The following KIAA1549L variants were observed in gnomAD, a reference collection of about 807,000 sequenced individuals.
The protein encoded by KIAA1549L is KIAA1549 like, also known as UPF0606 protein KIAA1549L.
Under a neutral mutation model 160.7 loss-of-function variants are expected in KIAA1549L, and 88 were observed. The ratio of observed to expected loss-of-function variants is 0.55; its 90% CI spans 0.46 to 0.65. KIAA1549L has a LOEUF of 0.65. Ranked by LOEUF, KIAA1549L falls within the 30% of genes least tolerant of loss-of-function variation. The probability of loss-of-function intolerance (pLI) is 0.00; values close to 1 mark genes in which losing one functional copy is unlikely to be tolerated. For missense variants in KIAA1549L, 2,258 were observed against 2,437.5 expected, an observed-to-expected ratio of 0.93 and a Z score of 1.55; for synonymous variants, 950 against 976.7, an observed-to-expected ratio of 0.97 and a Z score of 0.51.
intron 1 of KIAA1549L, among the ~76,000 whole-genome samples, chr11:33,449,803 C>T (rs1051787995): frequency 2.6e-5 from 4 of 152,040 alleles, no homozygotes; most frequent in Non-Finnish European, 5.9e-5. Flanking sequence ...GTCCTAGATC[C>T]GGAAGAAAAA....
chr11:33,613,831 T>TAA (rs1172482421), intron 15 of KIAA1549L, among the ~76,000 whole-genome samples: 9 of 152,240 alleles, frequency 5.9e-5, no homozygotes, highest in Non-Finnish European at 1.2e-4. Context: ...CTAAATCTTT[T>TAA]AAAATCATTT....
chr11:33,656,084 C>T lies in KIAA1549L; in HGVS notation c.5833C>T (p.Pro1945Ser), dbSNP rs1362736088. The T allele has an allele frequency of 1.2e-6, 2 of 1,613,662 alleles. No homozygotes were observed. Among genetic ancestry groups the T allele is most frequent in the Admixed American group, 1.7e-5 (1 of 60,020 alleles). The change falls in exon 18 of 21, where the codon CCT (proline) becomes TCT (serine). Residue 1945 changes from proline (P) to serine (S), a missense_variant. Around this residue, in one of 6 missense-constraint regions of KIAA1549L, gnomAD observed 1,359 missense variants for 1,546.6 expected, o/e 0.88. Coordinates refer to ENST00000658780, the MANE Select transcript of KIAA1549L (RefSeq NM_012194.3). ...PPPPVPPRTG[P>S]VAVASLRRST... ...TCCACCCGTACCTCCCCGGACTGGT[C>T]CTGTGGCTGTCGCTTCTCTCAGGCG...
chr11:33,641,178 C>A (rs1851569875), intron 16 of KIAA1549L, among the ~76,000 whole-genome samples: 1 of 152,202 alleles, frequency 6.6e-6, no homozygotes, highest in South Asian at 2.1e-4. Flanking sequence ...AGAGCTGGCA[C>A]ACCACAGGTC....
chr11:33,412,464 C>G (rs1044665699), intron 1 of KIAA1549L, among the ~76,000 whole-genome samples: 1 of 152,196 alleles, frequency 6.6e-6, no homozygotes, highest in Non-Finnish European at 1.5e-5. Context: ...TACAGACTTG[C>G]TATAAATAAG....
chr11:33,639,599 G>A (rs2133391567), intron 16 of KIAA1549L, among the ~76,000 whole-genome samples: 1 of 152,284 alleles, frequency 6.6e-6, no homozygotes, highest in South Asian at 2.1e-4. Flanking sequence ...GAGTGCAGTG[G>A]TGTGATCTTG....
chr11:33,435,810 A>ATG lies in KIAA1549L; in HGVS notation c.238+58929_238+58930dup, dbSNP rs371276872. On this transcript the variant is annotated intron_variant, in intron 1 of 20. Coordinates refer to ENST00000658780, the MANE Select transcript of KIAA1549L (RefSeq NM_012194.3). ...TATATATATATATATATATATATAT[A>ATG]TGTGTGTGTATATATATATATGTAT... Among the ~76,000 whole-genome samples the ATG allele has an allele frequency of 2.5e-3, 67 of 27,186 alleles. 1 individual carries two copies. The highest frequency in any genetic ancestry group is 3.8e-3 in the Non-Finnish European group (59 of 15,328). The allele number at this position is 27,186 out of a possible 152,430, so 17.8% of individuals were successfully genotyped here. A position where few individuals can be genotyped will look rare whatever the true frequency, so the allele number is the denominator to read the frequency against.
chr11:33,557,809 C>A (rs1426385783), intron 6 of KIAA1549L, among the ~76,000 whole-genome samples: 1 of 152,004 alleles, frequency 6.6e-6, no homozygotes, highest in Non-Finnish European at 1.5e-5. Context: ...ATCGCTTAAG[C>A]CTAGGAGTTC....
intron 1 of KIAA1549L, among the ~76,000 whole-genome samples, chr11:33,419,286 T>G (rs1850950055): frequency 6.6e-6 from 1 of 152,212 alleles, no homozygotes; most frequent in Non-Finnish European, 1.5e-5. Context: ...TTATGAGAAT[T>G]GAGTAATGAG....
At chr11:33,608,578 G>C (rs1226496536) in intron 14 of KIAA1549L, among the ~76,000 whole-genome samples, 3 of 152,260 alleles carry the variant, frequency 2.0e-5, no homozygotes, top group East Asian at 3.8e-4. Flanking sequence ...GGATACATGT[G>C]ATGGCCACTA....
chr11:33,418,871 T>C (rs1299130767), intron 1 of KIAA1549L, among the ~76,000 whole-genome samples: 1 of 150,512 alleles, frequency 6.6e-6, no homozygotes, highest in Non-Finnish European at 1.5e-5. Context: ...TATGTCAGTA[T>C]GTTGCATTCC....
At chr11:33,466,669 A>G (rs534979383) in intron 1 of KIAA1549L, among the ~76,000 whole-genome samples, 4 of 152,152 alleles carry the variant, frequency 2.6e-5, no homozygotes, top group Non-Finnish European at 4.4e-5. Context: ...ACATGCACAC[A>G]TATGCTTATT....
At chr11:33,442,946 A>G (rs1851539039) in intron 1 of KIAA1549L, among the ~76,000 whole-genome samples, 1 of 152,092 alleles carries the variant, frequency 6.6e-6, no homozygotes, top group Non-Finnish European at 1.5e-5. Flanking sequence ...TATGTCTGAT[A>G]TATGCTACTT....
chr11:33,390,053 T>C (rs1850244585), intron 1 of KIAA1549L, among the ~76,000 whole-genome samples: 1 of 152,256 alleles, frequency 6.6e-6, no homozygotes, highest in African/African-American at 2.4e-5. Flanking sequence ...CTTTTGAGCA[T>C]TTACTGTTTG....
intron 12 of KIAA1549L, among the ~76,000 whole-genome samples, chr11:33,592,462 T>C (rs1481009742): frequency 1.3e-5 from 2 of 152,172 alleles, no homozygotes; most frequent in South Asian, 4.1e-4. Context: ...TAAACCAACA[T>C]GCGTTGTCAA....
intron 1 of KIAA1549L, among the ~76,000 whole-genome samples, chr11:33,398,047 G>A (rs556088955): frequency 2.9e-4 from 44 of 149,342 alleles, no homozygotes; most frequent in Middle Eastern, 6.9e-3. Context: ...TCAGCCTCCC[G>A]TGTAGCTGGG....
intron 16 of KIAA1549L, among the ~76,000 whole-genome samples, chr11:33,624,180 G>T (rs1166058824): frequency 6.6e-6 from 1 of 152,222 alleles, no homozygotes; most frequent in Non-Finnish European, 1.5e-5. Flanking sequence ...TCTCAAGTTT[G>T]GGAAGCAGCT....
At position 33,666,147 on chromosome 11, in the gene KIAA1549L, G is replaced by GC. The variant is rs1211387842; in HGVS notation, c.6160-1722dup. On this transcript the variant is annotated intron_variant, in intron 20 of 20. Transcript: ENST00000658780. The stretch of plus-strand genomic sequence containing the variant: ...CCACAGCACAATTTGGGTGGCTGTA[G>GC]CCCCACCCAGGAGGGCAGGGCTCCT... 3.9e-5 allele frequency among the ~76,000 whole-genome samples: 6 copies of GC among 152,100 alleles called. No individual in the cohort carries two copies. The East Asian group carries it at 1.2e-3, about 30-fold the overall frequency.
intron 17 of KIAA1549L, among the ~76,000 whole-genome samples, chr11:33,653,727 G>T (rs1418139135): frequency 2.6e-5 from 4 of 151,912 alleles, no homozygotes; most frequent in African/African-American, 9.7e-5. Flanking sequence ...TGTTAGACCT[G>T]CTCATTCCAT....
intron 1 of KIAA1549L, among the ~76,000 whole-genome samples, chr11:33,492,235 G>T (rs187735573): frequency 6.6e-6 from 1 of 152,198 alleles, no homozygotes; most frequent in Non-Finnish European, 1.5e-5. Context: ...GGGCATGGTT[G>T]TGTGTGTCTG....
Sources: gnomAD v4.1 joint callset for allele counts (sites outside exome capture counted in the v4.1 genomes callset) on GRCh38, gnomAD v4.1.1 for gene constraint, gnomAD v4.1.1 regional missense constraint, MANE v1.5 for transcripts, NCBI Gene and HGNC (gene_info 2026-07-23, HGNC 2026-07-21) for gene names.